Variants in TMEM132C observed in about 807,000 individuals in gnomAD.
TMEM132C encodes protein phosphatase 1, regulatory subunit 152.
A neutral mutation model predicts 61.4 loss-of-function variants in TMEM132C; 29 were observed. The ratio of observed to expected loss-of-function variants is 0.47; its 90% CI spans 0.35 to 0.64. TMEM132C has a LOEUF of 0.64. Among genes scored for constraint, TMEM132C ranks in the 30% least tolerant of loss-of-function variants. The pLI is 0.00. For missense variants in TMEM132C, 1,408 were observed against 1,476.9 expected, an observed-to-expected ratio of 0.95 and a Z score of 0.76; for synonymous variants, 656 against 633.1, an observed-to-expected ratio of 1.04 and a Z score of -0.54.
At chr12:128,473,063 T>G (rs1871002331) in intron 2 of TMEM132C, among the ~76,000 whole-genome samples, 1 of 151,630 alleles carries the variant, frequency 6.6e-6, no homozygotes, top group Admixed American at 6.6e-5. Context: ...TTTTCTGGCT[T>G]TAGGTATCCC....
chr12:128,493,422 T>C (rs1871821813), intron 2 of TMEM132C, among the ~76,000 whole-genome samples: 1 of 152,204 alleles, frequency 6.6e-6, no homozygotes, highest in African/African-American at 2.4e-5. Flanking sequence ...TGGCATTGAA[T>C]CTATAAATTA....
intron 5 of TMEM132C, among the ~76,000 whole-genome samples, chr12:128,685,933 C>T (rs1456884192): frequency 6.6e-6 from 1 of 152,152 alleles, no homozygotes. Flanking sequence ...TAGAATGGTG[C>T]CTGGATAACT....
intron 8 of TMEM132C, among the ~76,000 whole-genome samples, chr12:128,700,222 G>A (rs2135659563): frequency 6.6e-6 from 1 of 152,304 alleles, no homozygotes; most frequent in Non-Finnish European, 1.5e-5. Context: ...TAGTTCATCT[G>A]ATTTGCAGAC....
chr12:128,530,451 T>TC (rs1440844389), intron 2 of TMEM132C, among the ~76,000 whole-genome samples: 1 of 151,326 alleles, frequency 6.6e-6, no homozygotes, highest in Non-Finnish European at 1.5e-5. Flanking sequence ...TCTTTTTCTT[T>TC]TTTTTTTTTT....
At chr12:128,579,302 C>G (rs1593106984) in intron 3 of TMEM132C, among the ~76,000 whole-genome samples, 1 of 152,192 alleles carries the variant, frequency 6.6e-6, no homozygotes, top group Non-Finnish European at 1.5e-5. Flanking sequence ...AACATACTGG[C>G]TTGTATCAAT....
At chr12:128,507,200 C>T (rs1021700716) in intron 2 of TMEM132C, among the ~76,000 whole-genome samples, 2 of 152,078 alleles carry the variant, frequency 1.3e-5, no homozygotes, top group Non-Finnish European at 2.9e-5. Context: ...TCCCACACCC[C>T]GGGTGACCGC....
chr12:128,680,418 T>C (rs1381391877), intron 5 of TMEM132C, among the ~76,000 whole-genome samples: 2 of 152,196 alleles, frequency 1.3e-5, no homozygotes, highest in African/African-American at 4.8e-5. Flanking sequence ...TATGCTGTCA[T>C]CATAGACTGA....
chr12:128,524,413 G>A lies in TMEM132C; in HGVS notation c.975-19544G>A, dbSNP rs1396202670. Among the ~76,000 whole-genome samples, 4 of 152,166 alleles carry A rather than the reference G, an allele frequency of 2.6e-5. No homozygotes were observed. In the East Asian group the frequency reaches 7.7e-4, roughly 29 times the overall value. On this transcript the variant is annotated intron_variant, in intron 2 of 8. Coordinates refer to ENST00000435159, the MANE Select transcript of TMEM132C (RefSeq NM_001136103.3). ...TGCCATCACATGGCTTTTCTGCAGA[G>A]AGCCCTTCCCCTGCTGGCTTTAGCC...
intron 3 of TMEM132C, among the ~76,000 whole-genome samples, chr12:128,553,610 C>G (rs183428956): frequency 6.6e-6 from 1 of 152,284 alleles, no homozygotes; most frequent in African/African-American, 2.4e-5. Context: ...CGCGGGGCAC[C>G]TGGGTTGTTT....
At chr12:128,625,838 C>A (rs1954010085) in intron 4 of TMEM132C, among the ~76,000 whole-genome samples, 1 of 152,210 alleles carries the variant, frequency 6.6e-6, no homozygotes, top group Non-Finnish European at 1.5e-5. Context: ...AAAGGCCCCA[C>A]CTCCTAACCC....
intron 2 of TMEM132C, among the ~76,000 whole-genome samples, chr12:128,431,815 C>A (rs142844595): frequency 1.2e-3 from 188 of 152,118 alleles, no homozygotes; most frequent in African/African-American, 4.1e-3. Context: ...CCTTGGCCCC[C>A]CAAAGTGCTT....
chr12:128,577,064 A>T (rs1875134846), intron 3 of TMEM132C, among the ~76,000 whole-genome samples: 1 of 152,138 alleles, frequency 6.6e-6, no homozygotes, highest in South Asian at 2.1e-4. Flanking sequence ...CCCCATATCC[A>T]CTAGCAGGCA....
At chr12:128,621,548 G>C (rs1953963588) in intron 4 of TMEM132C, among the ~76,000 whole-genome samples, 1 of 152,174 alleles carries the variant, frequency 6.6e-6, no homozygotes, top group African/African-American at 2.4e-5. Flanking sequence ...GCCTTCAGAG[G>C]GATTGTGTTG....
At chr12:128,483,535 C>T (rs1480590583) in intron 2 of TMEM132C, among the ~76,000 whole-genome samples, 1 of 152,080 alleles carries the variant, frequency 6.6e-6, no homozygotes, top group Non-Finnish European at 1.5e-5. Flanking sequence ...TGTTTCCTCC[C>T]TCTCTGTGCC....
At chr12:128,370,412 A>G (rs1220069443) in intron 1 of TMEM132C, among the ~76,000 whole-genome samples, 4 of 152,148 alleles carry the variant, frequency 2.6e-5, no homozygotes, top group East Asian at 1.9e-4. Flanking sequence ...TGAAGGATCT[A>G]TTGACTGAGT....
chr12:128,558,239 C>A lies in TMEM132C; in HGVS notation c.1121+14136C>A, dbSNP rs560665032. Among the ~76,000 whole-genome samples the A allele has an allele frequency of 2.0e-5, 3 of 152,280 alleles. No individual in the cohort carries two copies. The South Asian group carries it at 6.2e-4, about 32-fold the overall frequency. ...TGTGGCAGAGACACAGCACTATTTT[C>A]CCTTGGTGGCTGATGTGATTTGGCT... is the stretch of plus-strand genomic sequence containing the variant. On this transcript the variant is annotated intron_variant, in intron 3 of 8. Coordinates refer to ENST00000435159, the MANE Select transcript of TMEM132C (RefSeq NM_001136103.3).
intron 1 of TMEM132C, among the ~76,000 whole-genome samples, chr12:128,327,446 G>A (rs1235372547): frequency 1.3e-5 from 2 of 149,240 alleles, no homozygotes; most frequent in Admixed American, 6.6e-5. Flanking sequence ...GTAGTGGCGC[G>A]ATCCCGGCTC....
At chr12:128,394,837 C>T (rs978056410) in intron 1 of TMEM132C, among the ~76,000 whole-genome samples, 31 of 149,394 alleles carry the variant, frequency 2.1e-4, no homozygotes, top group Admixed American at 3.4e-4. Context: ...GCTCTGTTGC[C>T]AAGGGACACT....
At chr12:128,689,770 A>G (rs1188972120) in intron 5 of TMEM132C, among the ~76,000 whole-genome samples, 1 of 151,320 alleles carries the variant, frequency 6.6e-6, no homozygotes, top group Admixed American at 6.6e-5. Flanking sequence ...AGTAGATCTC[A>G]CAGTGGTACC....
Sources: allele counts gnomAD v4.1 joint callset (sites outside exome capture counted in the v4.1 genomes callset), GRCh38; gene constraint gnomAD v4.1.1; transcripts MANE v1.5; gene names NCBI Gene and HGNC (gene_info 2026-07-23, HGNC 2026-07-21).